The following LSAMP variants were observed in gnomAD, a reference collection of about 807,000 sequenced individuals.
LSAMP encodes limbic system-associated membrane protein.
Under a neutral mutation model 38.6 loss-of-function variants are expected in LSAMP, and 7 were observed. The ratio of observed to expected loss-of-function variants is 0.18; its 90% confidence interval spans 0.10 to 0.34. LSAMP has a LOEUF of 0.34. Ranked by LOEUF, LSAMP falls within the 10% of genes least tolerant of loss-of-function variation. The pLI, the probability that LSAMP is intolerant of heterozygous loss-of-function variation, is 1.00. For missense variants in LSAMP, 313 were observed against 420.0 expected (o/e 0.75, Z 2.23); for synonymous variants, 154 against 166.8 (o/e 0.92, Z 0.59).
intron 3 of LSAMP, among the ~76,000 whole-genome samples, chr3:115,983,851 C>T (rs1939434115): frequency 6.6e-6 from 1 of 152,142 alleles, no homozygotes; most frequent in African/African-American, 2.4e-5. Context: ...AAGGGCAGAA[C>T]CACAGAGTAT....
At chr3:115,917,093 A>G (rs1937268032) in intron 3 of LSAMP, among the ~76,000 whole-genome samples, 2 of 152,174 alleles carry the variant, frequency 1.3e-5, no homozygotes, top group African/African-American at 4.8e-5. Context: ...TTGCAGCTGG[A>G]AAGAAGGAAA....
intron 1 of LSAMP, among the ~76,000 whole-genome samples, chr3:116,152,264 G>A (rs991065074): frequency 4.6e-5 from 7 of 152,022 alleles, no homozygotes; most frequent in African/African-American, 9.7e-5. Context: ...ACTATGTGCC[G>A]GGCACCCTTC....
intron 6 of LSAMP, among the ~76,000 whole-genome samples, chr3:115,839,250 CTTCCTTCT>C (rs1487759208): frequency 2.0e-4 from 21 of 103,798 alleles, no homozygotes; most frequent in African/African-American, 5.8e-4. Context: ...TCCTTCCTTC[CTTCCTTCT>C]TTCTTTCCTT....
intron 3 of LSAMP, among the ~76,000 whole-genome samples, chr3:115,877,600 A>T (rs913378961): frequency 1.3e-5 from 1 of 74,462 alleles, no homozygotes. Context: ...ATTTTGTTTC[A>T]AAAAAAGGCA....
At chr3:115,998,439 G>T (rs1236042115) in intron 3 of LSAMP, among the ~76,000 whole-genome samples, 1 of 152,104 alleles carries the variant, frequency 6.6e-6, no homozygotes, top group African/African-American at 2.4e-5. Context: ...TAGCAGCTAG[G>T]ATAGTGAGAA....
At chr3:116,032,764 C>T (rs1262879538) in intron 2 of LSAMP, among the ~76,000 whole-genome samples, 1 of 152,098 alleles carries the variant, frequency 6.6e-6, no homozygotes, top group African/African-American at 2.4e-5. Context: ...GATCATGCTA[C>T]TGCACTCCAG....
rs114607896 is a variant in LSAMP, at chr3:115,863,594, A to G, written c.515-10977T>C. 8.7e-3 allele frequency among the ~76,000 whole-genome samples: 1,322 copies of G among 151,860 alleles called. 16 individuals are homozygous for G. Among genetic ancestry groups the G allele is most frequent in the African/African-American group, 0.029 (1,211 of 41,426 alleles). Reference sequence around the variant, plus strand: ...GCATATACATATATATTGTATATATATATAAATAAATGTTTACATAATGTT... The same window carrying G: ...GCATATACATATATATTGTATATATGTATAAATAAATGTTTACATAATGTT... On this transcript the variant is annotated intron_variant, in intron 3 of 6. Coordinates refer to ENST00000490035, the MANE Select transcript of LSAMP (RefSeq NM_002338.5).
At chr3:116,358,621 G>A (rs142639436) in intron 1 of LSAMP, among the ~76,000 whole-genome samples, 6 of 151,912 alleles carry the variant, frequency 3.9e-5, no homozygotes, top group Non-Finnish European at 7.4e-5. Context: ...AAAATCCACC[G>A]ATCGAAATGC....
chr3:115,985,493 A>G (rs931416990), intron 3 of LSAMP, among the ~76,000 whole-genome samples: 2 of 152,198 alleles, frequency 1.3e-5, no homozygotes, highest in Admixed American at 6.5e-5. Flanking sequence ...AAACAGCCTC[A>G]AAGATAATCC....
intron 3 of LSAMP, among the ~76,000 whole-genome samples, chr3:115,864,447 CA>C (rs1935800828): frequency 6.6e-6 from 1 of 152,204 alleles, no homozygotes; most frequent in African/African-American, 2.4e-5. Flanking sequence ...ATTGGTGCAG[CA>C]TCATTCCCTA....
At chr3:116,198,904 C>G (rs2045951161) in intron 1 of LSAMP, among the ~76,000 whole-genome samples, 1 of 151,934 alleles carries the variant, frequency 6.6e-6, no homozygotes, top group Admixed American at 6.6e-5. Context: ...ACAGGAAGAC[C>G]CCATCTCTGC....
At chr3:116,236,278 T>C (rs893968042) in intron 1 of LSAMP, among the ~76,000 whole-genome samples, 10 of 152,028 alleles carry the variant, frequency 6.6e-5, no homozygotes, top group African/African-American at 2.4e-4. Flanking sequence ...TCCATAAAAC[T>C]CAAAAAATAA....
At chr3:115,894,393 C>T (rs781652236) in intron 3 of LSAMP, among the ~76,000 whole-genome samples, 1 of 151,932 alleles carries the variant, frequency 6.6e-6, no homozygotes, top group Non-Finnish European at 1.5e-5. Context: ...ATGAACTGGC[C>T]CAAGACCCTC....
rs887199939 is a variant in LSAMP, at chr3:116,148,262, T to C, written c.156-61706A>G. Among the ~76,000 whole-genome samples, 3 of 152,086 alleles carry C rather than the reference T, an allele frequency of 2.0e-5. No individual in the cohort carries two copies. In the South Asian group the frequency reaches 6.2e-4, roughly 31 times the overall value. On this transcript the variant is annotated intron_variant, in intron 1 of 6. Coordinates refer to ENST00000490035, the MANE Select transcript of LSAMP (RefSeq NM_002338.5). The stretch of plus-strand genomic sequence containing the variant: ...TTAATTATTTATTCACACAAATTAA[T>C]CATTTAGTGGATGTCCTTTTAAAAG...
chr3:116,315,456 GA>G (rs531687610), intron 1 of LSAMP, among the ~76,000 whole-genome samples: 5 of 150,076 alleles, frequency 3.3e-5, no homozygotes, highest in Admixed American at 6.6e-5. Context: ...GAGTTAAATG[GA>G]AAAAAAAAGC....
At chr3:116,240,661 A>T (rs2046520617) in intron 1 of LSAMP, among the ~76,000 whole-genome samples, 1 of 152,194 alleles carries the variant, frequency 6.6e-6, no homozygotes, top group South Asian at 2.1e-4. Context: ...GAATTTTTTA[A>T]CCTCATGTCC....
At position 116,445,456 on chromosome 3, in the gene LSAMP, T is replaced by A. The variant is rs962392012; in HGVS notation, c.-425A>T. On this transcript the variant is annotated 5_prime_UTR_variant, in exon 1 of 7. Coordinates refer to ENST00000490035, the MANE Select transcript of LSAMP (RefSeq NM_002338.5). ...CGGGCGAGGGAGCCGGCACCAAGCCTGCCAGTGAGTGTACAGAAACAGCCA... is the reference window on the plus strand; with the variant it reads ...CGGGCGAGGGAGCCGGCACCAAGCCAGCCAGTGAGTGTACAGAAACAGCCA... The A allele has an allele frequency of 4.5e-6, 2 of 449,158 alleles. No individual in the cohort carries two copies. Among genetic ancestry groups the A allele is most frequent in the Admixed American group, 3.8e-5 (1 of 26,204 alleles). The allele number at this position is 449,158 out of a possible 1,614,324, so 27.8% of individuals were successfully genotyped here. A position where few individuals can be genotyped will look rare whatever the true frequency, so the allele number is the denominator to read the frequency against.
intron 1 of LSAMP, among the ~76,000 whole-genome samples, chr3:116,386,333 T>C (rs2048626040): frequency 6.6e-6 from 1 of 152,152 alleles, no homozygotes. Context: ...CTCATGCCTT[T>C]ATATCTCCTA....
chr3:116,145,411 A>G (rs1709468370), intron 1 of LSAMP, among the ~76,000 whole-genome samples: 1 of 151,958 alleles, frequency 6.6e-6, no homozygotes, highest in South Asian at 2.1e-4. Flanking sequence ...TTTGCAGATG[A>G]GGCCAACAGT....
Sources: gnomAD v4.1 joint callset for allele counts (sites outside exome capture counted in the v4.1 genomes callset) on GRCh38, gnomAD v4.1.1 for gene constraint, MANE v1.5 for transcripts, NCBI Gene and HGNC (gene_info 2026-07-23, HGNC 2026-07-21) for gene names.